The following FBXL17 variants were observed in gnomAD, a reference collection of about 807,000 sequenced individuals.
FBXL17 encodes F-box/LRR-repeat protein 17.
In FBXL17, 22 loss-of-function variants were observed where a neutral mutation model predicts 66.2. That is an observed-to-expected ratio of 0.33 (90% CI 0.24 to 0.47). The LOEUF (loss-of-function observed/expected upper bound fraction) is 0.47. Among genes scored for constraint, FBXL17 ranks in the 20% least tolerant of loss-of-function variants. The pLI is 1.00. For missense variants in FBXL17, 878 were observed against 948.2 expected (o/e 0.93, Z 0.97); for synonymous variants, 474 against 400.5 (o/e 1.18, Z -2.19).
At chr5:107,992,838 TG>T (rs1753308651) in intron 7 of FBXL17, among the ~76,000 whole-genome samples, 1 of 152,212 alleles carries the variant, frequency 6.6e-6, no homozygotes, top group African/African-American at 2.4e-5. Context: ...CCTATCATTT[TG>T]GTGGTTCATT....
At chr5:108,377,562 T>C (rs1181461667) in intron 1 of FBXL17, among the ~76,000 whole-genome samples, 1 of 152,258 alleles carries the variant, frequency 6.6e-6, no homozygotes, top group African/African-American at 2.4e-5. Context: ...TGCTGTAGAC[T>C]TGCACTATTC....
chr5:107,945,640 A>G (rs1751258008), intron 7 of FBXL17, among the ~76,000 whole-genome samples: 1 of 152,186 alleles, frequency 6.6e-6, no homozygotes, highest in Non-Finnish European at 1.5e-5. Flanking sequence ...GTACACATAC[A>G]ATTTACATAA....
At chr5:108,214,173 C>A (rs1754495714) in intron 5 of FBXL17, among the ~76,000 whole-genome samples, 1 of 152,048 alleles carries the variant, frequency 6.6e-6, no homozygotes, top group African/African-American at 2.4e-5. Flanking sequence ...ATGAATTAAA[C>A]TTTATCATAG....
At chr5:108,103,481 G>A (rs1749676504) in intron 6 of FBXL17, among the ~76,000 whole-genome samples, 1 of 152,056 alleles carries the variant, frequency 6.6e-6, no homozygotes, top group Non-Finnish European at 1.5e-5. Flanking sequence ...CGCTGCTATC[G>A]TCAATGTGAA....
chr5:107,893,789 T>C (rs1483340580), intron 7 of FBXL17, among the ~76,000 whole-genome samples: 2 of 152,184 alleles, frequency 1.3e-5, no homozygotes, highest in Non-Finnish European at 1.5e-5. Flanking sequence ...TTTGCCACCA[T>C]TGATTGCGAC....
intron 4 of FBXL17, among the ~76,000 whole-genome samples, chr5:108,242,831 T>A (rs965063782): frequency 3.9e-5 from 6 of 152,192 alleles, no homozygotes; most frequent in African/African-American, 1.4e-4. Context: ...CTAAAAAAAT[T>A]CAGCAAAAAT....
In FBXL17 at chr5:108,382,066, G is replaced by C. The variant is rs937029380; in HGVS notation, c.-375C>G. On this transcript the variant is annotated 5_prime_UTR_variant, in exon 1 of 9. Coordinates refer to ENST00000542267, the MANE Select transcript of FBXL17 (RefSeq NM_001163315.3). ...GTCCCGCTCGGACCATTTTAACTGC[G>C]GATCCGCCGCCGGCGCGCGCACCCG... 1.4e-6 allele frequency: 1 copy of C among 726,496 alleles called. No homozygotes were observed. The highest frequency in any genetic ancestry group is 1.9e-5 in the African/African-American group (1 of 52,994). 45.0% of individuals were successfully genotyped at this position (726,496 alleles called of 1,614,324 possible). A position where few individuals can be genotyped will look rare whatever the true frequency, so the allele number is the denominator to read the frequency against.
chr5:108,122,892 G>A (rs1750558319), intron 6 of FBXL17, among the ~76,000 whole-genome samples: 2 of 151,970 alleles, frequency 1.3e-5, no homozygotes, highest in South Asian at 4.2e-4. Context: ...TCTGATTACT[G>A]GCAGTGCTAT....
chr5:108,144,505 G>A (rs543788582), intron 6 of FBXL17, among the ~76,000 whole-genome samples: 13 of 152,236 alleles, frequency 8.5e-5, no homozygotes, highest in African/African-American at 2.4e-4. Flanking sequence ...ATAATACATG[G>A]ATTTGGCTAC....
At chr5:107,913,869 T>C (rs1053344197) in intron 7 of FBXL17, among the ~76,000 whole-genome samples, 1 of 151,906 alleles carries the variant, frequency 6.6e-6, no homozygotes, top group Admixed American at 6.6e-5. Flanking sequence ...TGAAAAACAG[T>C]ACAAGAGCAT....
chr5:108,099,278 A>G lies in FBXL17; in HGVS notation c.1746-78277T>C, dbSNP rs140021792. Among the ~76,000 whole-genome samples the G allele has an allele frequency of 4.8e-3, 738 of 152,354 alleles. 4 individuals carry two copies. The highest frequency in any genetic ancestry group is 0.017 in the African/African-American group (711 of 41,586). ...TAATGTGATACTGGGTACATAGAAC[A>G]TTGTAGGGGGGCAGTATTTTGCCTC... is the stretch of plus-strand genomic sequence containing the variant. On this transcript the variant is annotated intron_variant, in intron 6 of 8. Transcript: ENST00000542267.
At chr5:107,997,611 A>G (rs1023423196) in intron 7 of FBXL17, among the ~76,000 whole-genome samples, 3 of 152,208 alleles carry the variant, frequency 2.0e-5, no homozygotes, top group Non-Finnish European at 4.4e-5. Flanking sequence ...GCAAGCAGTT[A>G]CAAAGGAGAT....
intron 6 of FBXL17, among the ~76,000 whole-genome samples, chr5:108,158,382 T>G (rs1752075569): frequency 6.6e-6 from 1 of 152,002 alleles, no homozygotes; most frequent in South Asian, 2.1e-4. Context: ...ATAAGAAAAT[T>G]AAAACCTCAA....
chr5:108,334,335 T>C (rs2150244432), intron 4 of FBXL17, among the ~76,000 whole-genome samples: 1 of 152,272 alleles, frequency 6.6e-6, no homozygotes, highest in Non-Finnish European at 1.5e-5. Flanking sequence ...AGAGCCTATT[T>C]TCCACAGCCC....
At chr5:107,912,556 T>A (rs1749985801) in intron 7 of FBXL17, among the ~76,000 whole-genome samples, 1 of 152,116 alleles carries the variant, frequency 6.6e-6, no homozygotes, top group African/African-American at 2.4e-5. Flanking sequence ...AGAAAGCATG[T>A]TATTGACAGA....
rs147099763 is a variant in FBXL17, at chr5:108,263,179, C to T, written c.1507-38951G>A. Among the ~76,000 whole-genome samples the T allele has an allele frequency of 5.2e-3, 799 of 152,256 alleles. 11 individuals carry two copies. Among genetic ancestry groups the T allele is most frequent in the African/African-American group, 0.018 (765 of 41,552 alleles). On this transcript the variant is annotated intron_variant, in intron 4 of 8. Transcript: ENST00000542267. The stretch of plus-strand genomic sequence containing the variant: ...TCTTAGCAAAGAATACCTGCATGAA[C>T]ACTACACTTAATGGAGGGTCTGCAT...
At chr5:108,188,770 A>G (rs1354632842) in intron 5 of FBXL17, among the ~76,000 whole-genome samples, 2 of 152,154 alleles carry the variant, frequency 1.3e-5, no homozygotes, top group African/African-American at 2.4e-5. Context: ...CTCAAAGGTG[A>G]GCTGTTTGGG....
intron 6 of FBXL17, among the ~76,000 whole-genome samples, chr5:108,183,321 G>A (rs924005356): frequency 1.3e-5 from 2 of 152,108 alleles, no homozygotes; most frequent in African/African-American, 4.8e-5. Flanking sequence ...TTACAGGCGT[G>A]AGCCACCACG....
intron 8 of FBXL17, among the ~76,000 whole-genome samples, chr5:107,871,063 A>AAAAAAAAAAAAAAAC (rs1561511867): frequency 1.2e-5 from 1 of 85,684 alleles, no homozygotes; most frequent in Non-Finnish European, 2.3e-5. Context: ...GCGGCAAAAA[A>AAAAAAAAAAAAAAAC]AAAAAAAAAA....
Sources: gnomAD v4.1 joint callset for allele counts (sites outside exome capture counted in the v4.1 genomes callset) on GRCh38, gnomAD v4.1.1 for gene constraint, MANE v1.5 for transcripts, NCBI Gene and HGNC (gene_info 2026-07-23, HGNC 2026-07-21) for gene names.